L3HYPDH: variants seen among roughly 807,000 people sequenced by gnomAD.
The protein encoded by L3HYPDH is trans-L-3-hydroxyproline dehydratase.
Under a neutral mutation model 26.5 loss-of-function variants are expected in L3HYPDH, and 32 were observed. That is an observed-to-expected ratio of 1.21 (90% confidence interval 0.91 to 1.62). The LOEUF (loss-of-function observed/expected upper bound fraction) is 1.62. Among genes scored for constraint, L3HYPDH ranks in the 40% most tolerant of loss-of-function variants. The pLI is 0.00. For missense variants in L3HYPDH, 554 were observed against 476.4 expected, an observed-to-expected ratio of 1.16 and a Z score of -1.52; for synonymous variants, 215 against 196.6, an observed-to-expected ratio of 1.09 and a Z score of -0.78.
Position 59,483,670 on chromosome 14 carries a change from A to G in L3HYPDH, c.508+139T>C. The stretch of plus-strand genomic sequence containing the variant: ...CGCAAGGCTGCTGACACACGTTGGC[A>G]GTGATTTACCTTTCTATTAATTGCA... On this transcript the variant is annotated intron_variant, in intron 1 of 4. Coordinates refer to ENST00000247194, the MANE Select transcript of L3HYPDH (RefSeq NM_144581.2). The G allele has an allele frequency of 2.1e-6, 3 of 1,452,296 alleles. No homozygotes were observed. The South Asian group carries it at 4.3e-5, about 21-fold the overall frequency. The allele number at this position is 1,452,296 out of a possible 1,614,324, so 90.0% of individuals were successfully genotyped here. A position where few individuals can be genotyped will look rare whatever the true frequency, so the allele number is the denominator to read the frequency against.
upstream of L3HYPDH, chr14:59,484,417 A>C: frequency 7.2e-7 from 1 of 1,390,340 alleles, no homozygotes; most frequent in Non-Finnish European, 9.8e-7. Context: ...CTAACCAGCC[A>C]CGTCCGGGGG....
chr14:59,493,283 G>A, the L3HYPDH span, among the ~76,000 whole-genome samples: 41 of 152,260 alleles, frequency 2.7e-4, no homozygotes, highest in Non-Finnish European at 4.7e-4. Context: ...AGAGAACCAA[G>A]GCACACCTGT....
chr14:59,487,562 A>C, upstream of L3HYPDH: 1 of 768,082 alleles, frequency 1.3e-6, no homozygotes, highest in Non-Finnish European at 2.1e-6. Context: ...AAAGCTGCAC[A>C]TGTAAACTTA....
At chr14:59,466,665 G>A (rs1889188977) in intron 1 of L3HYPDH, among the ~76,000 whole-genome samples, 1 of 152,014 alleles carries the variant, frequency 6.6e-6, no homozygotes, top group Non-Finnish European at 1.5e-5. Flanking sequence ...TATTAGTATT[G>A]GAGTGCTTAT....
chr14:59,493,082 G>A, the L3HYPDH span, among the ~76,000 whole-genome samples: 7 of 152,104 alleles, frequency 4.6e-5, no homozygotes, highest in Non-Finnish European at 1.0e-4. Flanking sequence ...ACAGGCGTGA[G>A]CCACCACGCC....
At chr14:59,472,408 G>A (rs1345696078), downstream of L3HYPDH, among the ~76,000 whole-genome samples, 1 of 152,194 alleles carries the variant, frequency 6.6e-6, no homozygotes, top group African/African-American at 2.4e-5. Flanking sequence ...ACCTGTGGAT[G>A]TAGAAGCTGG....
intron 1 of L3HYPDH, among the ~76,000 whole-genome samples, chr14:59,482,169 G>C (rs922161224): frequency 2.0e-5 from 3 of 152,202 alleles, no homozygotes; most frequent in Non-Finnish European, 4.4e-5. Flanking sequence ...GGGTACTGTT[G>C]TCATCCTCAT....
the L3HYPDH span, among the ~76,000 whole-genome samples, chr14:59,493,804 T>C: frequency 0.39 from 58,915 of 151,612 alleles, 12,129 homozygotes; most frequent in African/African-American, 0.52. Context: ...AAAATGTACA[T>C]GACATCAAGG....
At chr14:59,483,704 C>A in intron 1 of L3HYPDH, 105 bp downstream of exon 1, 1 of 1,496,288 alleles carries the variant, frequency 6.7e-7, no homozygotes. Context: ...CAAGGTTTCG[C>A]GGAGTAGGTT....
chr14:59,474,385 G>A (rs1250328413), intron 4 of L3HYPDH: 3 of 609,950 alleles, frequency 4.9e-6, no homozygotes, highest in Non-Finnish European at 8.7e-6. Context: ...TTGTTCAGCT[G>A]CTTCCCAGGA....
intron 4 of L3HYPDH, among the ~76,000 whole-genome samples, chr14:59,473,961 C>A (rs2139800378): frequency 6.6e-6 from 1 of 152,228 alleles, no homozygotes; most frequent in East Asian, 1.9e-4. Flanking sequence ...GACATTCTGG[C>A]AAGCATGATC....
At chr14:59,482,326 G>A (rs900022885) in intron 1 of L3HYPDH, among the ~76,000 whole-genome samples, 1 of 152,128 alleles carries the variant, frequency 6.6e-6, no homozygotes, top group Admixed American at 6.5e-5. Flanking sequence ...TTAACTCAGT[G>A]ACCATTAATG....
chr14:59,478,745 G>A (rs777913374), intron 2 of L3HYPDH: 11 of 153,720 alleles, frequency 7.2e-5, no homozygotes, highest in Non-Finnish European at 1.3e-4. Context: ...TGGAGGTTAC[G>A]TAACTTGCCC....
chr14:59,478,474 C>T (rs80054082), intron 2 of L3HYPDH, among the ~76,000 whole-genome samples: 1,882 of 152,218 alleles, frequency 0.012, 38 homozygotes, highest in African/African-American at 0.043. Flanking sequence ...GTCCCAGTTA[C>T]TCTGGAGGCT....
In L3HYPDH at chr14:59,483,803, CA is replaced by C; in HGVS notation, c.508+5del. 6.3e-7 allele frequency: 1 copy of C among 1,592,374 alleles called. No individual in the cohort carries two copies. Among genetic ancestry groups the C allele is most frequent in the Non-Finnish European group, 8.5e-7 (1 of 1,176,824 alleles). ...TGCCCTGGGCTGGAAAGGTCCCGCC[CA>C]TTACCTGTGGCCAGCACGAAGGCCG... On this transcript the variant is annotated splice_donor_5th_base_variant and intron_variant, in intron 1 of 4. Coordinates refer to ENST00000247194, the MANE Select transcript of L3HYPDH (RefSeq NM_144581.2).
the L3HYPDH span, chr14:59,504,629 C>CTGTT: frequency 6.6e-6 from 1 of 152,532 alleles, no homozygotes; most frequent in South Asian, 2.1e-4. Context: ...AACAGGTTTT[C>CTGTT]TGTTTATAGA....
chr14:59,491,754 C>A, the L3HYPDH span, among the ~76,000 whole-genome samples: 2 of 152,214 alleles, frequency 1.3e-5, no homozygotes, highest in African/African-American at 2.4e-5. Flanking sequence ...CCAGCCCACC[C>A]TGAGTTAGGC....
chr14:59,504,161 A>G, the L3HYPDH span: 18 of 732,492 alleles, frequency 2.5e-5, no homozygotes, highest in Non-Finnish European at 3.2e-5. Flanking sequence ...CTATTCTATC[A>G]TATATGGGAA....
At chr14:59,482,051 A>T (rs1441203724) in intron 1 of L3HYPDH, among the ~76,000 whole-genome samples, 3 of 152,210 alleles carry the variant, frequency 2.0e-5, no homozygotes, top group African/African-American at 7.2e-5. Flanking sequence ...TCATTCAACA[A>T]ACATTCATTG....
Sources: allele counts gnomAD v4.1 joint callset (sites outside exome capture counted in the v4.1 genomes callset), GRCh38; gene constraint gnomAD v4.1.1; transcripts MANE v1.5; gene names NCBI Gene and HGNC (gene_info 2026-07-23, HGNC 2026-07-21).